MIDN: variants seen among roughly 807,000 people sequenced by gnomAD.
MIDN encodes midnolin.
In MIDN, 26 loss-of-function variants were observed where a neutral mutation model predicts 46.1. The observed-to-expected ratio is 0.56, with a 90% CI of 0.41 to 0.78. The LOEUF is 0.78. Among genes scored for constraint, MIDN ranks in the 30% least tolerant of loss-of-function variants. The pLI is 0.00. For missense variants in MIDN, 850 were observed against 771.8 expected, an observed-to-expected ratio of 1.10 and a Z score of -1.20; for synonymous variants, 432 against 343.3, an observed-to-expected ratio of 1.26 and a Z score of -2.86.
intron 4 of MIDN, chr19:1,253,537 T>C (rs2081160036): frequency 1.3e-5 from 2 of 153,912 alleles, no homozygotes; most frequent in South Asian, 3.5e-4. Flanking sequence ...CGGGGGCAGA[T>C]TGAGGGTTTC....
chr19:1,252,006 G>A, intron 4 of MIDN, 105 bp downstream of exon 4: 3 of 990,316 alleles, frequency 3.0e-6, no homozygotes, highest in Non-Finnish European at 4.6e-6. Flanking sequence ...GGCTGGGGGA[G>A]GGGAGGGGAC....
intron 1 of MIDN, among the ~76,000 whole-genome samples, chr19:1,249,526 G>C (rs1032794978): frequency 3.5e-4 from 52 of 149,396 alleles, no homozygotes; most frequent in African/African-American, 1.3e-3. Flanking sequence ...CCCGTCTCCA[G>C]ACCTGGGTCC....
At chr19:1,251,739 G>A (rs1461157073) in intron 3 of MIDN, 90 bp downstream of exon 3, 1 of 1,526,576 alleles carries the variant, frequency 6.6e-7, no homozygotes, top group Non-Finnish European at 9.0e-7. Context: ...CACACTACCT[G>A]GGGCCCCCAC....
chr19:1,252,064 C>T (rs1370654741), intron 4 of MIDN, among the ~76,000 whole-genome samples, 163 bp downstream of exon 4: 2 of 152,152 alleles, frequency 1.3e-5, no homozygotes, highest in Non-Finnish European at 2.9e-5. Flanking sequence ...CCCACCTCCT[C>T]TCCCCCAAGA....
chr19:1,256,782 T>G (rs537376302), intron 8 of MIDN, among the ~76,000 whole-genome samples: 108 of 152,286 alleles, frequency 7.1e-4, no homozygotes, highest in Non-Finnish European at 1.2e-3. Flanking sequence ...GCTCAAGCGA[T>G]TCTCCTGCCT....
chr19:1,249,366 G>T (rs1020113243), intron 1 of MIDN, among the ~76,000 whole-genome samples: 21 of 150,628 alleles, frequency 1.4e-4, no homozygotes, highest in African/African-American at 4.8e-4. Context: ...ACGAGGCGCG[G>T]ACTTCGCGCT....
chr19:1,256,135 T>C (rs969884019), intron 8 of MIDN, among the ~76,000 whole-genome samples: 22 of 152,366 alleles, frequency 1.4e-4, no homozygotes, highest in African/African-American at 5.0e-4. Context: ...AGATGGCTAC[T>C]GTACTGCCCT....
At position 1,250,281 on chromosome 19, in the gene MIDN, C is replaced by G. The variant is rs1203395035; in HGVS notation, c.-16C>G. 52 of 972,388 alleles carry G rather than the reference C, an allele frequency of 5.3e-5. No homozygotes were observed. Among genetic ancestry groups the G allele is most frequent in the Non-Finnish European group, 5.9e-5 (48 of 819,034 alleles). The allele number at this position is 972,388 out of a possible 1,614,324, so 60.2% of individuals were successfully genotyped here. On this transcript the variant is annotated 5_prime_UTR_variant, in exon 2 of 9. Transcript: ENST00000682408. ...GGCGGCGCCCGCCGCCCCCAGCCCC[C>G]CAGCGCGCGCCGGGGATGGAGCCGC... is the stretch of plus-strand genomic sequence containing the variant.
intron 4 of MIDN, among the ~76,000 whole-genome samples, chr19:1,253,348 G>C (rs962423799): frequency 2.0e-5 from 3 of 152,114 alleles, no homozygotes; most frequent in Non-Finnish European, 4.4e-5. Context: ...GGAGAGGAGA[G>C]CCGGGAGGGA....
Position 1,255,435 on chromosome 19 carries a change from C to G in MIDN, c.999C>G (p.Pro333=). The change falls in exon 8 of 9, where the codon CCC becomes CCG. Residue 333 remains proline, a synonymous_variant. Coordinates refer to ENST00000682408, the MANE Select transcript of MIDN (RefSeq NM_001388306.1). ...FSGTFSGTLH[P]NCQDSSGRPR... ...CTCTGCCCGCAGGCACGCTACACCC[C>G]AACTGCCAAGACAGCAGCGGGCGGC... 1 of 1,595,496 alleles carries G rather than the reference C, an allele frequency of 6.3e-7. No individual in the cohort carries two copies. The highest frequency in any genetic ancestry group is 2.3e-5 in the East Asian group (1 of 43,768).
At chr19:1,252,650 A>C (rs1054276730) in intron 4 of MIDN, among the ~76,000 whole-genome samples, 1 of 152,006 alleles carries the variant, frequency 6.6e-6, no homozygotes, top group African/African-American at 2.4e-5. Context: ...AGGCCTCAGC[A>C]ATCCGCCCGC....
Position 1,258,929 on chromosome 19 carries a change from C to CA in MIDN, c.*1658dup, listed in dbSNP as rs2081234458. The CA allele has an allele frequency of 1.3e-5, 2 of 151,998 alleles. No individual in the cohort carries two copies. The highest frequency in any genetic ancestry group is 4.8e-5 in the African/African-American group (2 of 41,388). The allele number at this position is 151,998 out of a possible 1,614,324, so 9.4% of individuals were successfully genotyped here. A position where few individuals can be genotyped will look rare whatever the true frequency, so the allele number is the denominator to read the frequency against. On this transcript the variant is annotated 3_prime_UTR_variant, in exon 9 of 9. Transcript: ENST00000682408. The stretch of plus-strand genomic sequence containing the variant: ...GATTTTTAAATAACGTCTGTGCCTC[C>CA]ACTGGTTGAGGGTGGAACCTCCAGG...
At chr19:1,255,153 C>T (rs1599987398) in intron 7 of MIDN, 92 bp downstream of exon 7, 1 of 1,426,026 alleles carries the variant, frequency 7.0e-7, no homozygotes. Context: ...TCCACATATT[C>T]TGGGCATACA....
At chr19:1,250,792 G>A (rs947815516) in intron 2 of MIDN, among the ~76,000 whole-genome samples, 144 of 151,974 alleles carry the variant, frequency 9.5e-4, no homozygotes, top group African/African-American at 3.3e-3. Context: ...CCAGGGCGTT[G>A]CGGGGGTCCC....
At chr19:1,254,852 T>A (rs368804532) in intron 6 of MIDN, 50 bp from the exon 7 acceptor site, 41 of 1,551,016 alleles carry the variant, frequency 2.6e-5, no homozygotes, top group Non-Finnish European at 3.3e-5. Context: ...GGGTTGCTGG[T>A]GATCCCCTGA....
chr19:1,252,844 C>G (rs889961026), intron 4 of MIDN, among the ~76,000 whole-genome samples: 2 of 152,036 alleles, frequency 1.3e-5, no homozygotes, highest in African/African-American at 4.8e-5. Flanking sequence ...ATGGGGGTGG[C>G]CACAGCAGCA....
rs2081215339 is a variant in MIDN, at chr19:1,257,523, C to CTCCTCG, written c.*256_*257insGTCCTC. On this transcript the variant is annotated 3_prime_UTR_variant, in exon 9 of 9. Transcript: ENST00000682408. ...CTTCACTCCTGCCCTCCTCTTCCTCCTCCTCCTCCTCCTCCGTCTGTCTCC... is the reference window on the plus strand; with the variant it reads ...CTTCACTCCTGCCCTCCTCTTCCTCCTCCTCGTCCTCCTCCTCCTCCGTCTGTCTCC... 2.2e-6 allele frequency: 1 copy of CTCCTCG among 446,830 alleles called. No individual in the cohort carries two copies. Among genetic ancestry groups the CTCCTCG allele is most frequent in the African/African-American group, 2.1e-5 (1 of 46,626 alleles). 27.7% of individuals were successfully genotyped at this position (446,830 alleles called of 1,614,324 possible).
At chr19:1,256,609 A>G (rs193032373) in intron 8 of MIDN, among the ~76,000 whole-genome samples, 6 of 152,016 alleles carry the variant, frequency 3.9e-5, no homozygotes, top group Admixed American at 3.3e-4. Context: ...TCCCCAGCTC[A>G]TGGCTGAGCT....
intron 4 of MIDN, among the ~76,000 whole-genome samples, chr19:1,253,303 C>T (rs1414984801): frequency 6.6e-6 from 1 of 152,012 alleles, no homozygotes; most frequent in Non-Finnish European, 1.5e-5. Context: ...CCCCATGGGC[C>T]CCAAGCAGAG....
Sources: allele counts gnomAD v4.1 joint callset (sites outside exome capture counted in the v4.1 genomes callset), GRCh38; gene constraint gnomAD v4.1.1; transcripts MANE v1.5; gene names NCBI Gene and HGNC (gene_info 2026-07-23, HGNC 2026-07-21).